The following PARVA variants were observed in gnomAD, a reference collection of about 807,000 sequenced individuals.
PARVA encodes parvin alpha.
Under a neutral mutation model 52.6 loss-of-function variants are expected in PARVA, and 25 were observed. The observed-to-expected ratio is 0.48, with a 90% CI of 0.35 to 0.66. The LOEUF is 0.66. Ranked by LOEUF, PARVA falls within the 30% of genes least tolerant of loss-of-function variation. The pLI is 0.01. For synonymous variants in PARVA, 185 were observed against 179.1 expected, an observed-to-expected ratio of 1.03 and a Z score of -0.26; for missense variants, 373 against 450.9, an observed-to-expected ratio of 0.83 and a Z score of 1.56.
At chr11:12,400,082 TA>T (rs1175112077) in intron 1 of PARVA, among the ~76,000 whole-genome samples, 1 of 152,092 alleles carries the variant, frequency 6.6e-6, no homozygotes, top group African/African-American at 2.4e-5. Flanking sequence ...TATTAAAAAA[TA>T]AAAATTAAAA....
chr11:12,378,571 ATTC>A (rs1311702484), intron 1 of PARVA, among the ~76,000 whole-genome samples: 2 of 78,046 alleles, frequency 2.6e-5, no homozygotes, highest in Non-Finnish European at 4.8e-5. Flanking sequence ...AGGCGACCTT[ATTC>A]TTTTTTTTTT....
At chr11:12,382,381 C>CTTT (rs546439424) in intron 1 of PARVA, among the ~76,000 whole-genome samples, 1 of 128,332 alleles carries the variant, frequency 7.8e-6, no homozygotes, top group South Asian at 2.5e-4. Flanking sequence ...GTAACTTTTT[C>CTTT]TTTTTTTTTT....
intron 4 of PARVA, 98 bp from the exon 5 acceptor site, chr11:12,496,360 A>ATGAGTGCATGCATGC: frequency 7.9e-7 from 1 of 1,261,118 alleles, no homozygotes; most frequent in Non-Finnish European, 1.1e-6. Flanking sequence ...GCATGCATGC[A>ATGAGTGCATGCATGC]TGAGTGCATG....
intron 12 of PARVA, among the ~76,000 whole-genome samples, chr11:12,522,577 C>A (rs963272019): frequency 6.6e-6 from 1 of 151,962 alleles, no homozygotes; most frequent in Non-Finnish European, 1.5e-5. Context: ...CACCACCACA[C>A]CCAGCTAATT....
intron 1 of PARVA, among the ~76,000 whole-genome samples, chr11:12,416,754 A>C (rs1281639596): frequency 6.6e-6 from 1 of 151,542 alleles, no homozygotes; most frequent in Non-Finnish European, 1.5e-5. Flanking sequence ...AGGAAGGAAG[A>C]AAGCAATGGA....
chr11:12,435,067 C>T (rs1260374478), intron 1 of PARVA, among the ~76,000 whole-genome samples: 3 of 152,218 alleles, frequency 2.0e-5, no homozygotes, highest in Non-Finnish European at 4.4e-5. Context: ...ACCAAACTGC[C>T]GTCTGACTTG....
chr11:12,473,062 T>C (rs537180069), intron 1 of PARVA, among the ~76,000 whole-genome samples: 48 of 152,328 alleles, frequency 3.2e-4, no homozygotes, highest in African/African-American at 1.2e-3. Context: ...AAGAGCTTAC[T>C]GTTCATCCAG....
chr11:12,473,517 T>G (rs1262140744), intron 1 of PARVA, among the ~76,000 whole-genome samples: 1 of 152,038 alleles, frequency 6.6e-6, no homozygotes, highest in Non-Finnish European at 1.5e-5. Flanking sequence ...CCTCCCTGCT[T>G]CCCTGAGGAA....
intron 1 of PARVA, among the ~76,000 whole-genome samples, chr11:12,392,583 T>G (rs1215758015): frequency 6.6e-6 from 1 of 152,208 alleles, no homozygotes; most frequent in Non-Finnish European, 1.5e-5. Context: ...TTTTTATGAC[T>G]AAAAATATTA....
At chr11:12,473,569 C>T (rs1010158817) in intron 1 of PARVA, among the ~76,000 whole-genome samples, 176 bp from the exon 2 acceptor site, 3 of 152,090 alleles carry the variant, frequency 2.0e-5, no homozygotes, top group Admixed American at 1.3e-4. Flanking sequence ...ATTAAGGGGA[C>T]AATTAGGTCC....
At chr11:12,416,962 A>C (rs570160710) in intron 1 of PARVA, among the ~76,000 whole-genome samples, 1 of 152,324 alleles carries the variant, frequency 6.6e-6, no homozygotes, top group East Asian at 1.9e-4. Context: ...TACTAAAGTC[A>C]AAATAAAATT....
Sources: allele counts gnomAD v4.1 joint callset (sites outside exome capture counted in the v4.1 genomes callset), GRCh38; gene constraint gnomAD v4.1.1; transcripts MANE v1.5; gene names NCBI Gene and HGNC (gene_info 2026-07-23, HGNC 2026-07-21).